The following GPHN variants were observed in gnomAD, a reference collection of about 807,000 sequenced individuals.
GPHN encodes gephyrin.
Under a neutral mutation model 95.5 loss-of-function variants are expected in GPHN, and 17 were observed. The observed-to-expected ratio is 0.18, with a 90% CI of 0.12 to 0.27. The LOEUF (loss-of-function observed/expected upper bound fraction) is 0.27. GPHN is among the 10% of genes least tolerant of loss of function. The pLI, the probability that GPHN is intolerant of heterozygous loss-of-function variation, is 1.00. For synonymous variants in GPHN, 320 were observed against 322.5 expected (o/e 0.99, Z 0.08); for missense variants, 660 against 978.1 (o/e 0.67, Z 4.34).
At chr14:67,551,888 A>C in the GPHN span, among the ~76,000 whole-genome samples, 2 of 151,836 alleles carry the variant, frequency 1.3e-5, no homozygotes, top group African/African-American at 4.8e-5. Flanking sequence ...AAAAAAAAAG[A>C]ATGTTGAACC....
At chr14:67,462,942 G>A in the GPHN span, among the ~76,000 whole-genome samples, 22 of 152,236 alleles carry the variant, frequency 1.4e-4, no homozygotes, top group African/African-American at 4.8e-4. Flanking sequence ...CAATTAGTAA[G>A]GATGCTGTAA....
At chr14:66,845,856 TGTGTCTGTGTGC>T (rs1038739358) in intron 4 of GPHN, among the ~76,000 whole-genome samples, 13 of 147,476 alleles carry the variant, frequency 8.8e-5, no homozygotes, top group Middle Eastern at 3.6e-3. Context: ...TGTGTGTGTG[TGTGTCTGTGTGC>T]GTGCGCACAC....
chr14:67,610,430 T>C, the GPHN span, among the ~76,000 whole-genome samples: 1 of 152,138 alleles, frequency 6.6e-6, no homozygotes, highest in African/African-American at 2.4e-5. Context: ...GTTACAATTA[T>C]GGTAGGGGCT....
chr14:66,702,854 A>G (rs1157214719), intron 2 of GPHN, among the ~76,000 whole-genome samples: 1 of 152,172 alleles, frequency 6.6e-6, no homozygotes, highest in African/African-American at 2.4e-5. Context: ...ATGGAGCTAA[A>G]GGAGCATGTT....
the GPHN span, chr14:67,365,053 G>A: frequency 7.3e-6 from 11 of 1,502,126 alleles, no homozygotes; most frequent in South Asian, 2.7e-5. Context: ...GATTTAAAAT[G>A]GTTTATTTAA....
chr14:67,566,657 A>G, the GPHN span, among the ~76,000 whole-genome samples: 1 of 151,850 alleles, frequency 6.6e-6, no homozygotes, highest in Non-Finnish European at 1.5e-5. Context: ...CTTAAGTGGA[A>G]GTTAAGTTTG....
intron 2 of GPHN, among the ~76,000 whole-genome samples, chr14:66,690,306 C>T (rs1300262508): frequency 1.3e-5 from 2 of 152,046 alleles, no homozygotes; most frequent in Non-Finnish European, 2.9e-5. Context: ...CATTGTAGAA[C>T]ATGTTCTTCA....
the GPHN span, chr14:67,473,876 A>AT: frequency 6.2e-7 from 1 of 1,611,842 alleles, no homozygotes; most frequent in Admixed American, 1.7e-5. This position sits in a 1 kb window ranked among gnomAD's most constrained non-coding sequence, Gnocchi z 6.5. Context: ...CGTGGATGGC[A>AT]TACAGGTACC....
intron 2 of GPHN, among the ~76,000 whole-genome samples, chr14:66,747,139 C>T (rs1242725166): frequency 6.6e-6 from 1 of 152,094 alleles, no homozygotes; most frequent in Non-Finnish European, 1.5e-5. Context: ...GGTATTCTTC[C>T]CTCATCTGTC....
At chr14:67,502,680 G>C in the GPHN span, among the ~76,000 whole-genome samples, 1 of 151,946 alleles carries the variant, frequency 6.6e-6, no homozygotes, top group Non-Finnish European at 1.5e-5. Context: ...TCAAACTCCC[G>C]ACCTCAGGTG....
intron 22 of GPHN, 139 bp downstream of exon 22, chr14:67,179,813 T>C: frequency 1.5e-6 from 1 of 652,728 alleles, no homozygotes; most frequent in Non-Finnish European, 2.7e-6. Flanking sequence ...AGTTAAGTTA[T>C]TCCTAAACAG....
chr14:67,392,988 G>T, the GPHN span: 1 of 865,034 alleles, frequency 1.2e-6, no homozygotes, highest in Non-Finnish European at 1.9e-6. Context: ...CACACCTGCT[G>T]CATAGAGCCG....
At chr14:66,532,744 C>T (rs1044100758) in intron 1 of GPHN, among the ~76,000 whole-genome samples, 7 of 152,128 alleles carry the variant, frequency 4.6e-5, no homozygotes, top group South Asian at 2.1e-4. Flanking sequence ...TGAAGATTCC[C>T]GAGGACTGTT....
chr14:67,371,836 A>G, the GPHN span, among the ~76,000 whole-genome samples: 1 of 152,258 alleles, frequency 6.6e-6, no homozygotes, highest in African/African-American at 2.4e-5. Context: ...TTTGTAAAAA[A>G]GCAAATTACT....
chr14:66,924,464 TAG>T (rs1262144597), intron 8 of GPHN, among the ~76,000 whole-genome samples, 172 bp downstream of exon 8: 7 of 152,202 alleles, frequency 4.6e-5, no homozygotes, highest in Admixed American at 2.6e-4. Flanking sequence ...AGGAATTTAA[TAG>T]AGTTTCTCCT....
the GPHN span, among the ~76,000 whole-genome samples, chr14:67,415,524 C>A: frequency 1.3e-5 from 2 of 152,138 alleles, no homozygotes; most frequent in African/African-American, 4.8e-5. Context: ...TTTTAAAATT[C>A]TTGAAGCATA....
chr14:67,391,573 TAACG>T, the GPHN span, among the ~76,000 whole-genome samples: 1 of 152,054 alleles, frequency 6.6e-6, no homozygotes, highest in Non-Finnish European at 1.5e-5. Flanking sequence ...ATGCTCCGAG[TAACG>T]ATGGGAGTGG....
intron 9 of GPHN, among the ~76,000 whole-genome samples, chr14:66,974,623 G>A (rs1183199682): frequency 6.6e-6 from 1 of 151,876 alleles, no homozygotes; most frequent in Admixed American, 6.6e-5. Flanking sequence ...TATAGTTTCT[G>A]TATAGTTTCT....
intron 16 of GPHN, among the ~76,000 whole-genome samples, chr14:67,121,430 A>G (rs2079004973): frequency 6.6e-6 from 1 of 152,178 alleles, no homozygotes; most frequent in Non-Finnish European, 1.5e-5. Flanking sequence ...ATTTATCTGC[A>G]TAAACTGAAT....
Sources: allele counts gnomAD v4.1 joint callset (sites outside exome capture counted in the v4.1 genomes callset), GRCh38; gene constraint gnomAD v4.1.1; non-coding constraint Gnocchi (gnomAD v3.1); transcripts MANE v1.5; gene names NCBI Gene and HGNC (gene_info 2026-07-23, HGNC 2026-07-21).